GTF2H3: variants seen among roughly 807,000 people sequenced by gnomAD.
The protein encoded by GTF2H3 is general transcription factor IIH subunit 3, also known as TFIIH basal transcription factor complex p34 subunit.
Under a neutral mutation model 51.1 loss-of-function variants are expected in GTF2H3, and 42 were observed. That is an observed-to-expected ratio of 0.82 (90% CI 0.64 to 1.06). The LOEUF (loss-of-function observed/expected upper bound fraction) is 1.06, where lower values mean the gene tolerates loss of function less well. GTF2H3 is among the 50% of genes least tolerant of loss of function. GTF2H3 has a pLI of 0.00. For missense variants in GTF2H3, 326 were observed against 366.1 expected (o/e 0.89, Z 0.89); for synonymous variants, 123 against 123.8 (o/e 0.99, Z 0.04).
At chr12:123,644,648 G>A (rs892066118) in intron 2 of GTF2H3, among the ~76,000 whole-genome samples, 4 of 151,072 alleles carry the variant, frequency 2.6e-5, no homozygotes, top group Non-Finnish European at 5.9e-5. Context: ...CCTGGCGACA[G>A]AGTGAGACTC....
intron 9 of GTF2H3, among the ~76,000 whole-genome samples, chr12:123,658,158 A>G (rs73416269): frequency 0.019 from 2,889 of 152,094 alleles, 33 homozygotes; most frequent in South Asian, 0.032. Flanking sequence ...CCCCAGCTCA[A>G]ATGATCTTCC....
intron 2 of GTF2H3, among the ~76,000 whole-genome samples, chr12:123,641,478 G>A (rs1186816072): frequency 1.1e-4 from 16 of 150,628 alleles, no homozygotes; most frequent in Admixed American, 5.9e-4. Context: ...TGCCTGCCTC[G>A]ACCTCCCAAA....
intron 5 of GTF2H3, 80 bp from the exon 6 acceptor site, chr12:123,652,452 T>G: frequency 1.3e-6 from 1 of 793,842 alleles, no homozygotes; most frequent in Non-Finnish European, 2.0e-6. Context: ...TATTTAAAAT[T>G]GGAGGTTATT....
intron 8 of GTF2H3, among the ~76,000 whole-genome samples, chr12:123,655,299 G>A (rs1955572869): frequency 6.6e-6 from 1 of 152,156 alleles, no homozygotes; most frequent in Non-Finnish European, 1.5e-5. Context: ...ACAGTTTGCT[G>A]TATAAACCTT....
intron 9 of GTF2H3, among the ~76,000 whole-genome samples, chr12:123,657,371 ACT>A (rs1955599928): frequency 6.6e-6 from 1 of 150,934 alleles, no homozygotes; most frequent in South Asian, 2.1e-4. Flanking sequence ...CATCTTCCAC[ACT>A]CTCCCTCTTC....
intron 9 of GTF2H3, among the ~76,000 whole-genome samples, chr12:123,658,960 A>C (rs1314041733): frequency 6.6e-6 from 1 of 152,354 alleles, no homozygotes; most frequent in East Asian, 1.9e-4. Context: ...AAGATGCTTA[A>C]TATCATTACC....
chr12:123,652,771 A>G (rs1404532017), intron 7 of GTF2H3, 36 bp downstream of exon 7: 2 of 1,450,042 alleles, frequency 1.4e-6, no homozygotes, highest in Non-Finnish European at 9.3e-7. Context: ...TTATATGACA[A>G]CTATAATTAG....
chr12:123,644,861 G>A (rs1169850581), intron 2 of GTF2H3, among the ~76,000 whole-genome samples: 2 of 152,112 alleles, frequency 1.3e-5, no homozygotes, highest in African/African-American at 4.8e-5. Flanking sequence ...TAGTTTGCTG[G>A]AAATTTTATC....
At chr12:123,647,092 G>T (rs1006752367) in intron 3 of GTF2H3, among the ~76,000 whole-genome samples, 1 of 150,030 alleles carries the variant, frequency 6.7e-6, no homozygotes, top group African/African-American at 2.5e-5. Flanking sequence ...GGTGGAGCTT[G>T]CAGTGAGCCG....
intron 2 of GTF2H3, among the ~76,000 whole-genome samples, chr12:123,643,796 AGATTT>A (rs1955410902): frequency 6.6e-6 from 1 of 152,074 alleles, no homozygotes; most frequent in African/African-American, 2.4e-5. Flanking sequence ...AAATTTTAAT[AGATTT>A]AAGTTTTTTT....
chr12:123,647,191 C>T (rs1429084455), intron 3 of GTF2H3, among the ~76,000 whole-genome samples: 1 of 148,446 alleles, frequency 6.7e-6, no homozygotes, highest in Non-Finnish European at 1.5e-5. Flanking sequence ...GTCACGAGGC[C>T]GGGCTCGGTG....
intron 2 of GTF2H3, chr12:123,640,014 A>G: frequency 2.2e-6 from 1 of 454,114 alleles, no homozygotes; most frequent in South Asian, 1.6e-5. Context: ...GCGTACCACC[A>G]TGCTCAGCTA....
intron 7 of GTF2H3, among the ~76,000 whole-genome samples, chr12:123,653,660 AAAG>A (rs1001777920): frequency 1.2e-4 from 18 of 152,236 alleles, no homozygotes; most frequent in East Asian, 1.9e-4. Flanking sequence ...AAAAAAAAAA[AAAG>A]AAGTGCCAAG....
chr12:123,638,024 G>A (rs1174745845), intron 1 of GTF2H3, among the ~76,000 whole-genome samples: 1 of 151,968 alleles, frequency 6.6e-6, no homozygotes, highest in Admixed American at 6.6e-5. Context: ...TCCAGACGGG[G>A]TCTCATTCTG....
At chr12:123,654,498 T>C (rs1333905293) in intron 7 of GTF2H3, among the ~76,000 whole-genome samples, 4 of 151,494 alleles carry the variant, frequency 2.6e-5, no homozygotes, top group Non-Finnish European at 5.9e-5. Flanking sequence ...GGTGTGTGTA[T>C]TTGGGGTATG....
rs1186911785 is a variant in GTF2H3, at chr12:123,642,276, T to G, written c.93+2933T>G. On this transcript the variant is annotated intron_variant, in intron 2 of 12. Coordinates refer to ENST00000543341, the MANE Select transcript of GTF2H3 (RefSeq NM_001516.5). ...ACCTCTCTCTCCCGAGTTCAAGCAA[T>G]TCTCCTGCCTCAGCCTCCCGAGTAG... 3.3e-5 allele frequency among the ~76,000 whole-genome samples: 5 copies of G among 151,946 alleles called. No homozygotes were observed. In the East Asian group the frequency reaches 9.7e-4, roughly 29 times the overall value.
chr12:123,639,192 T>C (rs2135779404), intron 1 of GTF2H3, 72 bp from the exon 2 acceptor site: 3 of 751,210 alleles, frequency 4.0e-6, no homozygotes, highest in Non-Finnish European at 4.7e-6. Flanking sequence ...AATTTATGAA[T>C]TGGGAATGTT....
intron 1 of GTF2H3, among the ~76,000 whole-genome samples, chr12:123,634,939 G>C (rs1241713408): frequency 2.0e-5 from 3 of 152,216 alleles, no homozygotes; most frequent in African/African-American, 7.2e-5. Flanking sequence ...AATTTTAAAA[G>C]ATCACTGTGG....
At chr12:123,639,408 A>T (rs1374612225) in intron 2 of GTF2H3, 65 bp downstream of exon 2, 4 of 776,066 alleles carry the variant, frequency 5.2e-6, no homozygotes, top group East Asian at 2.5e-5. Context: ...TTGCTTTTTT[A>T]AAAAATGGCT....
Sources: allele counts gnomAD v4.1 joint callset (sites outside exome capture counted in the v4.1 genomes callset), GRCh38; gene constraint gnomAD v4.1.1; transcripts MANE v1.5; gene names NCBI Gene and HGNC (gene_info 2026-07-23, HGNC 2026-07-21).